Variants in DPP6 observed in about 807,000 individuals in gnomAD.
DPP6 encodes dipeptidyl peptidase like 6.
A neutral mutation model predicts 122.6 loss-of-function variants in DPP6; 69 were observed. The observed-to-expected ratio is 0.56, with a 90% CI of 0.46 to 0.69. The LOEUF (loss-of-function observed/expected upper bound fraction) is 0.69. Ranked by LOEUF, DPP6 falls within the 30% of genes least tolerant of loss-of-function variation. The pLI, the probability that DPP6 is intolerant of heterozygous loss-of-function variation, is 0.00. For missense variants in DPP6, 928 were observed against 1,116.9 expected (o/e 0.83, Z 2.41); for synonymous variants, 418 against 433.1 (o/e 0.97, Z 0.43).
At chr7:154,156,771 AGG>A (rs1329198900) in intron 1 of DPP6, among the ~76,000 whole-genome samples, 14 of 152,208 alleles carry the variant, frequency 9.2e-5, no homozygotes, top group Non-Finnish European at 2.1e-4. Flanking sequence ...ATAGATAGGT[AGG>A]TAGGTAGGTA....
intron 1 of DPP6, among the ~76,000 whole-genome samples, chr7:154,120,818 A>G (rs1269209962): frequency 6.6e-6 from 1 of 152,212 alleles, no homozygotes; most frequent in Non-Finnish European, 1.5e-5. Flanking sequence ...TAGTCCAATG[A>G]AAGGGTTTTC....
At chr7:154,684,037 T>A (rs1839444849) in intron 7 of DPP6, among the ~76,000 whole-genome samples, 1 of 152,176 alleles carries the variant, frequency 6.6e-6, no homozygotes, top group East Asian at 1.9e-4. Flanking sequence ...CCTGTTTAGT[T>A]CTTGTATTTT....
chr7:154,528,838 A>G (rs957394848), intron 3 of DPP6, among the ~76,000 whole-genome samples: 1 of 152,178 alleles, frequency 6.6e-6, no homozygotes, highest in Non-Finnish European at 1.5e-5. Context: ...TTACCCGGCC[A>G]TAGTGGGAGA....
intron 1 of DPP6, among the ~76,000 whole-genome samples, chr7:154,240,683 A>G (rs1451381964): frequency 1.3e-5 from 2 of 152,232 alleles, no homozygotes; most frequent in Non-Finnish European, 2.9e-5. Flanking sequence ...TCCAAGCTGC[A>G]GAGGGAAAGG....
At chr7:154,804,291 T>C (rs1354615947) in intron 14 of DPP6, among the ~76,000 whole-genome samples, 15 of 152,228 alleles carry the variant, frequency 9.9e-5, no homozygotes, top group Non-Finnish European at 4.4e-5. Flanking sequence ...CATTATCTCA[T>C]TGAATACAAC....
intron 5 of DPP6, among the ~76,000 whole-genome samples, chr7:154,613,928 A>G (rs957873784): frequency 3.3e-5 from 5 of 152,202 alleles, no homozygotes; most frequent in African/African-American, 1.2e-4. Context: ...GCCCTGCGCC[A>G]AGCCTCCAGA....
At chr7:154,540,241 C>T (rs756745093) in intron 3 of DPP6, among the ~76,000 whole-genome samples, 2 of 152,172 alleles carry the variant, frequency 1.3e-5, no homozygotes, top group Non-Finnish European at 2.9e-5. Context: ...GGAGTATCTG[C>T]TTTCTTAATC....
intron 1 of DPP6, among the ~76,000 whole-genome samples, chr7:154,087,078 G>T (rs933711198): frequency 1.3e-5 from 2 of 151,904 alleles, no homozygotes; most frequent in African/African-American, 4.8e-5. Flanking sequence ...CCAAGAAAGG[G>T]ATGTGTAGGC....
chr7:154,229,760 A>G (rs932182455), intron 1 of DPP6, among the ~76,000 whole-genome samples: 4 of 152,218 alleles, frequency 2.6e-5, no homozygotes, highest in East Asian at 1.9e-4. Context: ...ATCAGAATTC[A>G]TGTTGCTCTG....
chr7:154,138,713 A>G (rs1289760854), intron 1 of DPP6, among the ~76,000 whole-genome samples: 1 of 151,672 alleles, frequency 6.6e-6, no homozygotes, highest in Non-Finnish European at 1.5e-5. Context: ...GCTTTGGGGA[A>G]GACTTCTCTT....
chr7:154,299,142 T>G (rs1372598602), intron 1 of DPP6, among the ~76,000 whole-genome samples: 1 of 152,200 alleles, frequency 6.6e-6, no homozygotes, highest in Non-Finnish European at 1.5e-5. Flanking sequence ...CCATTTTTGG[T>G]GCACTTTATT....
At chr7:153,920,533 A>G (rs531363459) in intron 1 of DPP6, among the ~76,000 whole-genome samples, 3 of 136,848 alleles carry the variant, frequency 2.2e-5, no homozygotes, top group South Asian at 2.6e-4. Context: ...CTTCCTGTGT[A>G]GGTAGTCAAC....
At chr7:154,772,220 C>T (rs1205717795) in intron 9 of DPP6, among the ~76,000 whole-genome samples, 1 of 152,190 alleles carries the variant, frequency 6.6e-6, no homozygotes, top group African/African-American at 2.4e-5. Context: ...AAATCAGAGG[C>T]ATGAATAGGC....
the DPP6 span, among the ~76,000 whole-genome samples, chr7:153,822,571 A>G: frequency 6.6e-6 from 1 of 152,194 alleles, no homozygotes; most frequent in Non-Finnish European, 1.5e-5. Context: ...CTCCATTTTC[A>G]TGTAAAAGCA....
chr7:153,822,181 C>CT, the DPP6 span, among the ~76,000 whole-genome samples: 1,029 of 61,904 alleles, frequency 0.017, 70 homozygotes, highest in Non-Finnish European at 0.021. Flanking sequence ...GGGGGGGAAT[C>CT]TTTTTTTTTT....
At chr7:154,595,443 A>G (rs890201394) in intron 5 of DPP6, among the ~76,000 whole-genome samples, 2 of 152,168 alleles carry the variant, frequency 1.3e-5, no homozygotes, top group African/African-American at 4.8e-5. Context: ...CCAGTGAGTT[A>G]GACCATGGAT....
chr7:154,577,782 C>T (rs946940160), intron 5 of DPP6, among the ~76,000 whole-genome samples: 7 of 152,134 alleles, frequency 4.6e-5, no homozygotes, highest in Non-Finnish European at 8.8e-5. Context: ...TCTTCAATTC[C>T]GACGTAGCTG....
intron 1 of DPP6, among the ~76,000 whole-genome samples, chr7:154,056,843 AAT>A (rs1288060621): frequency 1.3e-5 from 2 of 152,198 alleles, no homozygotes; most frequent in African/African-American, 4.8e-5. Context: ...TCCCTCTACA[AAT>A]ATGTTTTTAT....
chr7:153,965,673 T>C (rs1425133292), intron 1 of DPP6, among the ~76,000 whole-genome samples: 11 of 152,026 alleles, frequency 7.2e-5, no homozygotes, highest in South Asian at 4.2e-4. Context: ...CCACCACGCC[T>C]GGCTAATTTT....
Sources: allele counts gnomAD v4.1 joint callset (sites outside exome capture counted in the v4.1 genomes callset), GRCh38; gene constraint gnomAD v4.1.1; transcripts MANE v1.5; gene names NCBI Gene and HGNC (gene_info 2026-07-23, HGNC 2026-07-21).